BMPR1B: variants seen among roughly 807,000 people sequenced by gnomAD.
The protein encoded by BMPR1B is bone morphogenetic protein receptor type-1B.
Under a neutral mutation model 59.1 loss-of-function variants are expected in BMPR1B, and 12 were observed. The observed-to-expected ratio is 0.20, with a 90% CI of 0.13 to 0.33. The LOEUF is 0.33. BMPR1B is among the 10% of genes least tolerant of loss of function. BMPR1B has a pLI of 1.00. For missense variants in BMPR1B, 550 were observed against 610.9 expected, an observed-to-expected ratio of 0.90 and a Z score of 1.05; for synonymous variants, 237 against 207.3, an observed-to-expected ratio of 1.14 and a Z score of -1.23.
At chr4:94,851,471 T>C (rs1430185746) in intron 1 of BMPR1B, among the ~76,000 whole-genome samples, 1 of 152,192 alleles carries the variant, frequency 6.6e-6, no homozygotes, top group Non-Finnish European at 1.5e-5. Flanking sequence ...TTCAGTGACC[T>C]ATTCCTAACT....
At chr4:94,896,731 T>C (rs1404597743) in intron 2 of BMPR1B, among the ~76,000 whole-genome samples, 4 of 152,032 alleles carry the variant, frequency 2.6e-5, no homozygotes, top group Non-Finnish European at 5.9e-5. Flanking sequence ...AAAATACAGG[T>C]ATAAGCAAGC....
rs374791371 is a variant in BMPR1B, at chr4:94,903,514, C to CT, written c.-113+27627dup. 7.7e-3 allele frequency among the ~76,000 whole-genome samples: 1,073 copies of CT among 139,154 alleles called. 14 individuals are homozygous for CT. The highest frequency in any genetic ancestry group is 0.021 in the African/African-American group (816 of 38,556). 91.3% of individuals were successfully genotyped at this position (139,154 alleles called of 152,430 possible). On this transcript the variant is annotated intron_variant, in intron 2 of 12. Transcript: ENST00000515059. ...TTCTTGTAAAGTTGTATATTACTTACTTTTTTTTTTTTTAAAAAGACAATC... is the reference window on the plus strand; with the variant it reads ...TTCTTGTAAAGTTGTATATTACTTACTTTTTTTTTTTTTTAAAAAGACAATC...
intron 3 of BMPR1B, among the ~76,000 whole-genome samples, chr4:95,102,970 A>G (rs1210446794): frequency 2.0e-5 from 3 of 152,120 alleles, no homozygotes. Flanking sequence ...GGGATTCTGC[A>G]TACGACAATC....
rs1730742419 is a variant in BMPR1B, at chr4:95,100,501, T to G, written c.-17-3907T>G. Among the ~76,000 whole-genome samples, 5 of 152,164 alleles carry G rather than the reference T, an allele frequency of 3.3e-5. No individual in the cohort carries two copies. In the South Asian group the frequency reaches 1.0e-3, roughly 32 times the overall value. On this transcript the variant is annotated intron_variant, in intron 3 of 12. Transcript: ENST00000515059. Reference sequence around the variant, plus strand: ...TATAAAAAAAATTAGGGTGTCTGTTTGTCTACAGTGTTACAAAATTTTACA... The same window carrying G: ...TATAAAAAAAATTAGGGTGTCTGTTGGTCTACAGTGTTACAAAATTTTACA...
At chr4:94,959,950 T>A (rs555039962) in intron 2 of BMPR1B, among the ~76,000 whole-genome samples, 13 of 152,214 alleles carry the variant, frequency 8.5e-5, no homozygotes, top group Admixed American at 3.9e-4. Context: ...TCGAATTATC[T>A]GCATGTTTTC....
At chr4:94,914,713 A>G (rs1728417747) in intron 2 of BMPR1B, among the ~76,000 whole-genome samples, 1 of 151,998 alleles carries the variant, frequency 6.6e-6, no homozygotes, top group African/African-American at 2.4e-5. Flanking sequence ...TTGAGATGAA[A>G]TATTTGGTGG....
chr4:94,896,076 C>T (rs2148994842), intron 2 of BMPR1B, among the ~76,000 whole-genome samples: 1 of 152,008 alleles, frequency 6.6e-6, no homozygotes, highest in African/African-American at 2.4e-5. Context: ...ATTTATTTTT[C>T]GTTCAATGAC....
At chr4:94,947,204 G>T (rs1467180848) in intron 2 of BMPR1B, among the ~76,000 whole-genome samples, 1 of 152,202 alleles carries the variant, frequency 6.6e-6, no homozygotes, top group African/African-American at 2.4e-5. Flanking sequence ...AAAAATGAGA[G>T]AATTGATGTA....
At chr4:94,972,628 T>A (rs1174434981) in intron 2 of BMPR1B, among the ~76,000 whole-genome samples, 2 of 150,818 alleles carry the variant, frequency 1.3e-5, no homozygotes, top group African/African-American at 4.9e-5. Flanking sequence ...TTTCTTCCAT[T>A]TTTTTTTTGG....
At chr4:94,887,415 A>C (rs1218553593) in intron 2 of BMPR1B, among the ~76,000 whole-genome samples, 1 of 149,432 alleles carries the variant, frequency 6.7e-6, no homozygotes, top group African/African-American at 2.5e-5. Context: ...AAAAAAAAAA[A>C]AAAAAAAACA....
intron 1 of BMPR1B, among the ~76,000 whole-genome samples, chr4:94,804,914 C>A (rs188599903): frequency 1.5e-4 from 23 of 152,204 alleles, no homozygotes; most frequent in African/African-American, 5.5e-4. Context: ...CAGCTTTCTG[C>A]AGATGGAGAG....
At chr4:95,115,264 C>A (rs567341751) in intron 5 of BMPR1B, among the ~76,000 whole-genome samples, 3 of 152,306 alleles carry the variant, frequency 2.0e-5, no homozygotes, top group Admixed American at 1.3e-4. Context: ...CTTTAAGTGA[C>A]ACATGATTGT....
chr4:94,975,545 A>AT lies in BMPR1B; in HGVS notation c.-112-20489dup, dbSNP rs567405953. ...GCCTGGCTAAATTTTTTTTTTTGGT[A>AT]TTTTTTGTAGAGGTGGGATTTCACC... On this transcript the variant is annotated intron_variant, in intron 2 of 12. Transcript: ENST00000515059. Among the ~76,000 whole-genome samples the AT allele has an allele frequency of 3.7e-4, 55 of 149,416 alleles. No individual in the cohort carries two copies. The South Asian group carries it at 0.011, about 29-fold the overall frequency.
intron 1 of BMPR1B, among the ~76,000 whole-genome samples, chr4:94,782,034 T>G (rs1722609386): frequency 6.6e-6 from 1 of 152,084 alleles, no homozygotes; most frequent in Non-Finnish European, 1.5e-5. Flanking sequence ...TTTTAATTAA[T>G]GTTTCATTAA....
chr4:95,096,399 A>G (rs1730376397), intron 3 of BMPR1B, among the ~76,000 whole-genome samples: 1 of 151,402 alleles, frequency 6.6e-6, no homozygotes, highest in African/African-American at 2.4e-5. Flanking sequence ...TTGCATTCTG[A>G]TAGTTAGGTA....
intron 3 of BMPR1B, among the ~76,000 whole-genome samples, chr4:95,082,239 G>A (rs377008675): frequency 8.9e-5 from 13 of 145,988 alleles, no homozygotes; most frequent in East Asian, 6.1e-4. Flanking sequence ...AGTAAATATC[G>A]AAAACTGTAT....
At chr4:94,759,082 C>T (rs974276478) in intron 1 of BMPR1B, among the ~76,000 whole-genome samples, 1 of 152,186 alleles carries the variant, frequency 6.6e-6, no homozygotes, top group African/African-American at 2.4e-5. Context: ...GGAAGTTGTC[C>T]GCTGTGGTGC....
At chr4:94,865,590 A>T (rs921273874) in intron 1 of BMPR1B, among the ~76,000 whole-genome samples, 1 of 151,944 alleles carries the variant, frequency 6.6e-6, no homozygotes, top group Non-Finnish European at 1.5e-5. Context: ...ATGGGGTTTC[A>T]CTATATTGGC....
intron 2 of BMPR1B, among the ~76,000 whole-genome samples, chr4:94,975,913 T>C (rs1731016385): frequency 6.6e-6 from 1 of 152,244 alleles, no homozygotes; most frequent in African/African-American, 2.4e-5. Flanking sequence ...ATTAATTCTA[T>C]CTGTATAACA....
Sources: allele counts gnomAD v4.1 joint callset (sites outside exome capture counted in the v4.1 genomes callset), GRCh38; gene constraint gnomAD v4.1.1; transcripts MANE v1.5; gene names NCBI Gene and HGNC (gene_info 2026-07-23, HGNC 2026-07-21).